TRDN: variants seen among roughly 807,000 people sequenced by gnomAD.
The protein encoded by TRDN is triadin in skeletal muscle.
TRDN carries 161 observed loss-of-function variants against 149.7 expected under a neutral mutation model. The observed-to-expected ratio is 1.08, with a 90% confidence interval of 0.95 to 1.23. The LOEUF is 1.23. Among genes scored for constraint, TRDN ranks in the 50% most tolerant of loss-of-function variants. TRDN has a pLI of 0.00. For missense variants in TRDN, 896 were observed against 823.5 expected (o/e 1.09, Z -1.08); for synonymous variants, 294 against 250.5 (o/e 1.17, Z -1.64).
chr6:123,612,000 C>G (rs1327719895), intron 1 of TRDN, among the ~76,000 whole-genome samples: 1 of 151,814 alleles, frequency 6.6e-6, no homozygotes, highest in African/African-American at 2.4e-5. Flanking sequence ...AACCTTTCAA[C>G]TTAAGTCAAA....
At chr6:123,561,510 A>G (rs1781998274) in intron 2 of TRDN, among the ~76,000 whole-genome samples, 1 of 152,124 alleles carries the variant, frequency 6.6e-6, no homozygotes, top group African/African-American at 2.4e-5. Context: ...CCCAACTTGA[A>G]CTGCACCCCA....
At chr6:123,620,598 T>C (rs1261372277) in intron 1 of TRDN, among the ~76,000 whole-genome samples, 1 of 152,162 alleles carries the variant, frequency 6.6e-6, no homozygotes, top group East Asian at 1.9e-4. Flanking sequence ...ATAGATTATC[T>C]TTTAATCCTT....
intron 1 of TRDN, among the ~76,000 whole-genome samples, chr6:123,631,865 T>C (rs980519700): frequency 6.6e-5 from 10 of 152,070 alleles, no homozygotes; most frequent in Admixed American, 6.6e-4. Context: ...TTGGGCATAT[T>C]ATTTAGAAGC....
At chr6:123,409,267 C>T (rs1773333533) in intron 12 of TRDN, among the ~76,000 whole-genome samples, 1 of 152,148 alleles carries the variant, frequency 6.6e-6, no homozygotes, top group South Asian at 2.1e-4. Flanking sequence ...GTTTACAAGG[C>T]TCTTTGACAT....
At chr6:123,325,307 G>A (rs1779400157) in intron 23 of TRDN, among the ~76,000 whole-genome samples, 1 of 151,848 alleles carries the variant, frequency 6.6e-6, no homozygotes, top group Non-Finnish European at 1.5e-5. Flanking sequence ...ATACTTCAGG[G>A]CAGAATTAAA....
Position 123,373,735 on chromosome 6 carries a change from G to A in TRDN, c.1273+1870C>T. On this transcript the variant is annotated intron_variant, in intron 19 of 40. Transcript: ENST00000334268. ...TGGAATTGCATCACATAAATACATAGTTTATGTTAAATTATCTATCTCTAT... is the reference window on the plus strand; with the variant it reads ...TGGAATTGCATCACATAAATACATAATTTATGTTAAATTATCTATCTCTAT... 1.3e-5 allele frequency among the ~76,000 whole-genome samples: 2 copies of A among 152,018 alleles called. 1 individual carries two copies.
At chr6:123,347,022 A>G (rs879372513) in intron 21 of TRDN, among the ~76,000 whole-genome samples, 10 of 152,114 alleles carry the variant, frequency 6.6e-5, no homozygotes, top group Admixed American at 1.3e-4. Context: ...ATGGAGTGTG[A>G]AAGTTCATGT....
intron 1 of TRDN, among the ~76,000 whole-genome samples, chr6:123,575,956 T>C (rs1474615719): frequency 6.6e-6 from 1 of 152,126 alleles, no homozygotes; most frequent in Non-Finnish European, 1.5e-5. Flanking sequence ...AATGAAACAT[T>C]GCATTCTCAT....
At chr6:123,353,104 G>T (rs1215617039) in intron 20 of TRDN, among the ~76,000 whole-genome samples, 1 of 151,782 alleles carries the variant, frequency 6.6e-6, no homozygotes, top group East Asian at 1.9e-4. Flanking sequence ...AAGATGTTTT[G>T]CTCTCAGTGA....
chr6:123,577,022 C>T (rs1169544430), intron 1 of TRDN, among the ~76,000 whole-genome samples: 2 of 151,820 alleles, frequency 1.3e-5, no homozygotes, highest in African/African-American at 4.8e-5. Context: ...AGTGAATTTA[C>T]AGGAGTTAAA....
At chr6:123,358,774 C>T (rs185307525) in intron 20 of TRDN, among the ~76,000 whole-genome samples, 63 of 152,176 alleles carry the variant, frequency 4.1e-4, no homozygotes, top group Admixed American at 3.6e-3. Context: ...TGAGCCACCG[C>T]GCCCAGCCTA....
At chr6:123,573,799 A>T (rs941824797) in intron 1 of TRDN, among the ~76,000 whole-genome samples, 4 of 152,062 alleles carry the variant, frequency 2.6e-5, no homozygotes. Flanking sequence ...GAATTCCTTA[A>T]ATTAGAAAAA....
chr6:123,245,555 T>C (rs1246838175), intron 38 of TRDN, among the ~76,000 whole-genome samples: 1 of 152,008 alleles, frequency 6.6e-6, no homozygotes, highest in African/African-American at 2.4e-5. Context: ...TTTAAATATA[T>C]GATGCACCCA....
intron 1 of TRDN, among the ~76,000 whole-genome samples, chr6:123,600,902 G>C (rs868703012): frequency 2.0e-5 from 3 of 152,052 alleles, no homozygotes; most frequent in Middle Eastern, 3.4e-3. Flanking sequence ...TGCACTTTTG[G>C]CTGTTAGCAA....
intron 39 of TRDN, among the ~76,000 whole-genome samples, 191 bp from the exon 40 acceptor site, chr6:123,221,713 C>G (rs997510266): frequency 6.6e-6 from 1 of 151,320 alleles, no homozygotes; most frequent in African/African-American, 2.4e-5. Flanking sequence ...AGGCAAGAGC[C>G]AGAGAGAGAA....
rs960941609 is a variant in TRDN, at chr6:123,473,194, GA to G, written c.854-8212del. Among the ~76,000 whole-genome samples the G allele has an allele frequency of 4.9e-3, 749 of 152,096 alleles. 10 individuals carry two copies. Among genetic ancestry groups the G allele is most frequent in the African/African-American group, 0.017 (700 of 41,512 alleles). On this transcript the variant is annotated intron_variant, in intron 9 of 40. Transcript: ENST00000334268. Reference sequence around the variant, plus strand: ...CAAACGCAAAGAAGTTGAAAACTTTGAAAAAAATTTAGAAGAATGTATAACT... The same window carrying G: ...CAAACGCAAAGAAGTTGAAAACTTTGAAAAAATTTAGAAGAATGTATAACT...
intron 24 of TRDN, among the ~76,000 whole-genome samples, chr6:123,311,321 C>A (rs1335899064): frequency 6.6e-6 from 1 of 151,932 alleles, no homozygotes; most frequent in African/African-American, 2.4e-5. Context: ...ATGATCCAAT[C>A]ACCTCCATCC....
Position 123,352,555 on chromosome 6 carries a change from G to T in TRDN, c.1353C>A (p.Thr451=). The T allele has an allele frequency of 6.2e-7, 1 of 1,610,768 alleles. No individual in the cohort carries two copies. The highest frequency in any genetic ancestry group is 8.5e-7 in the Non-Finnish European group (1 of 1,178,092). ...AVPGKKEEKT[T]KTVEQEIRKE... ...TTTTTTTACCTTGCTCCACTGTCTT[G>T]GTTGTTTTCTCTTCCTTCTTTCCAG... The change falls in exon 21 of 41, where the codon ACC becomes ACA. Residue 451 remains threonine, a synonymous_variant. Transcript: ENST00000334268.
chr6:123,301,773 A>ATG (rs1778432561), intron 24 of TRDN, among the ~76,000 whole-genome samples: 1 of 140,498 alleles, frequency 7.1e-6, no homozygotes, highest in East Asian at 2.0e-4. Context: ...ATATATACAT[A>ATG]TATATATATA....
Sources: allele counts gnomAD v4.1 joint callset (sites outside exome capture counted in the v4.1 genomes callset), GRCh38; gene constraint gnomAD v4.1.1; transcripts MANE v1.5; gene names NCBI Gene and HGNC (gene_info 2026-07-23, HGNC 2026-07-21).